GRIA3: variants seen among roughly 807,000 people sequenced by gnomAD.
The protein encoded by GRIA3 is glutamate ionotropic receptor AMPA type subunit 3, also known as glutamate receptor 3.
GRIA3 carries 3 observed loss-of-function variants against 63.0 expected under a neutral mutation model. The ratio of observed to expected loss-of-function variants is 0.05; its 90% CI spans 0.02 to 0.12. The LOEUF (loss-of-function observed/expected upper bound fraction) is 0.12. Among genes scored for constraint, GRIA3 ranks in the 10% least tolerant of loss-of-function variants. GRIA3 has a pLI of 1.00. For missense variants in GRIA3, 347 were observed against 700.9 expected (o/e 0.50, Z 5.70); for synonymous variants, 274 against 257.9 (o/e 1.06, Z -0.60).
intron 1 of GRIA3, 97 bp from the exon 2 acceptor site, chrX:123,185,735 T>C: frequency 1.5e-6 from 1 of 654,524 alleles, no homozygotes; most frequent in African/African-American, 2.1e-5. Context: ...CACCCCAGTA[T>C]CATTGAGAGG....
chrX:123,306,505 TAGA>T (rs913915614), intron 3 of GRIA3, among the ~76,000 whole-genome samples: 2 of 111,949 alleles, frequency 1.8e-5, no homozygotes, highest in Non-Finnish European at 3.8e-5. Context: ...CATTGGAAAG[TAGA>T]AGAAGAGAGG....
At chrX:123,313,261 A>G (rs73229280) in intron 3 of GRIA3, among the ~76,000 whole-genome samples, 2 of 111,219 alleles carry the variant, frequency 1.8e-5, no homozygotes, top group Non-Finnish European at 3.8e-5. Flanking sequence ...TTTGAACCCC[A>G]TTTTGGGTGT....
At chrX:123,330,708 T>C (rs1291748991) in intron 4 of GRIA3, among the ~76,000 whole-genome samples, 1 of 111,259 alleles carries the variant, frequency 9.0e-6, no homozygotes, top group Non-Finnish European at 1.9e-5. Flanking sequence ...CTAAGGACAG[T>C]ACCAGAGCAA....
intron 2 of GRIA3, among the ~76,000 whole-genome samples, chrX:123,193,944 G>C (rs1287839080): frequency 1.8e-5 from 2 of 111,136 alleles, no homozygotes; most frequent in Non-Finnish European, 3.8e-5. Flanking sequence ...CATTCAGAGG[G>C]GCGCTGGTAG....
Position 123,199,769 on chromosome X carries a change from C to T in GRIA3, c.268+13779C>T, listed in dbSNP as rs139966071. On this transcript the variant is annotated intron_variant, in intron 2 of 15. Coordinates refer to ENST00000620443, the MANE Select transcript of GRIA3 (RefSeq NM_007325.5). The stretch of plus-strand genomic sequence containing the variant: ...AATACAGTAAAACATGAGTTTCAGG[C>T]GCCACAATTAATCGTATCTACCATT... Among the ~76,000 whole-genome samples, 799 of 111,529 alleles carry T rather than the reference C, an allele frequency of 7.2e-3. 9 individuals are homozygous for T. Among genetic ancestry groups the T allele is most frequent in the African/African-American group, 0.025 (763 of 30,669 alleles).
At chrX:123,240,169 C>T (rs1471520772) in intron 2 of GRIA3, among the ~76,000 whole-genome samples, 1 of 111,731 alleles carries the variant, frequency 9.0e-6, no homozygotes, top group Non-Finnish European at 1.9e-5. Flanking sequence ...CTGAGGTTTA[C>T]CTGAATGTAC....
At chrX:123,424,575 T>C (rs759714988) in intron 11 of GRIA3, among the ~76,000 whole-genome samples, 2 of 111,900 alleles carry the variant, frequency 1.8e-5, no homozygotes, top group Non-Finnish European at 3.8e-5. Flanking sequence ...GGTACTGTTA[T>C]AGCATTTTTA....
chrX:123,401,528 C>G (rs2045443405), intron 7 of GRIA3, among the ~76,000 whole-genome samples: 2 of 111,964 alleles, frequency 1.8e-5, no homozygotes, highest in South Asian at 7.4e-4. Context: ...GGTCTTTTCT[C>G]TAACTAGAAG....
rs2045963915 is a variant in GRIA3 at position 123,490,726 on chromosome X, G to C, written c.*2016G>C. 1 of 112,271 alleles carries C rather than the reference G, an allele frequency of 8.9e-6. No homozygotes were observed. The highest frequency in any genetic ancestry group is 3.7e-4 in the South Asian group (1 of 2,691). The allele number at this position is 112,271 out of a possible 1,213,427, so 9.3% of individuals were successfully genotyped here. On this transcript the variant is annotated 3_prime_UTR_variant, in exon 16 of 16. Transcript: ENST00000620443. The stretch of plus-strand genomic sequence containing the variant: ...TATGGGAGTTTGGCAGTAGTCACTT[G>C]AGGATTTTTTTTCCAATTCTTTTCT...
intron 11 of GRIA3, among the ~76,000 whole-genome samples, chrX:123,424,584 T>A (rs1452242570): frequency 1.8e-5 from 2 of 111,963 alleles, no homozygotes; most frequent in Non-Finnish European, 1.9e-5. Flanking sequence ...ATAGCATTTT[T>A]ATGTGGGTAA....
At chrX:123,426,414 C>A (rs938018870) in intron 11 of GRIA3, among the ~76,000 whole-genome samples, 1 of 111,791 alleles carries the variant, frequency 8.9e-6, no homozygotes, top group Non-Finnish European at 1.9e-5. Context: ...AACTTGCAAC[C>A]CTGTCTGCAC....
chrX:123,441,794 A>C (rs1465407608), intron 12 of GRIA3, among the ~76,000 whole-genome samples: 1 of 100,810 alleles, frequency 9.9e-6, no homozygotes, highest in East Asian at 3.1e-4. Flanking sequence ...TTGATTTCCA[A>C]ATGTTTGTAT....
intron 4 of GRIA3, among the ~76,000 whole-genome samples, chrX:123,351,228 A>T (rs1386771449): frequency 1.8e-5 from 2 of 111,942 alleles, no homozygotes; most frequent in Non-Finnish European, 3.8e-5. Flanking sequence ...GGTGAGCTGA[A>T]CAAGAACCAC....
chrX:123,325,030 G>T (rs2044892246), intron 3 of GRIA3, among the ~76,000 whole-genome samples: 2 of 111,795 alleles, frequency 1.8e-5, no homozygotes, highest in Admixed American at 1.9e-4. Flanking sequence ...GTCATTACTT[G>T]AATATAAATG....
intron 3 of GRIA3, among the ~76,000 whole-genome samples, chrX:123,266,571 AC>A (rs2044490039): frequency 9.1e-6 from 1 of 110,369 alleles, no homozygotes; most frequent in Admixed American, 9.7e-5. Flanking sequence ...CCCTGATGTT[AC>A]CCCCTCCACC....
chrX:123,185,508 A>AGGGGGGGGGGGGGGGGGGGGGGGGG (rs3216834), intron 1 of GRIA3, among the ~76,000 whole-genome samples: 5 of 40,961 alleles, frequency 1.2e-4, no homozygotes, highest in African/African-American at 2.1e-4. Context: ...CGGGGGGCGG[A>AGGGGGGGGGGGGGGGGGGGGGGGGG]GGGGGGGGGC....
Position 123,453,119 on chromosome X carries a change from T to C in GRIA3, c.2077-11746T>C, listed in dbSNP as rs765686209. 2.7e-5 allele frequency among the ~76,000 whole-genome samples: 3 copies of C among 111,783 alleles called. No homozygotes were observed. The East Asian group carries it at 8.4e-4, about 31-fold the overall frequency. The stretch of plus-strand genomic sequence containing the variant: ...ATGTTTATTGCGACACTATTCACAA[T>C]AGCAAAGACTTGGAACCAACCCAAA... On this transcript the variant is annotated intron_variant, in intron 12 of 15. Coordinates refer to ENST00000620443, the MANE Select transcript of GRIA3 (RefSeq NM_007325.5).
intron 12 of GRIA3, among the ~76,000 whole-genome samples, chrX:123,456,558 C>T (rs2045762468): frequency 9.1e-6 from 1 of 110,403 alleles, no homozygotes; most frequent in Admixed American, 9.6e-5. Flanking sequence ...TCAGAATGGG[C>T]CCACCCCAGC....
At chrX:123,217,277 C>A (rs1199791507) in intron 2 of GRIA3, among the ~76,000 whole-genome samples, 2 of 111,200 alleles carry the variant, frequency 1.8e-5, no homozygotes, top group African/African-American at 6.6e-5. Flanking sequence ...AGCCAGGCCT[C>A]TCGTAAGGCA....
Sources: gnomAD v4.1 joint callset for allele counts (sites outside exome capture counted in the v4.1 genomes callset) on GRCh38, gnomAD v4.1.1 for gene constraint, MANE v1.5 for transcripts, NCBI Gene and HGNC (gene_info 2026-07-23, HGNC 2026-07-21) for gene names.